Variants in TM9SF2 observed in about 807,000 individuals in gnomAD.
TM9SF2 encodes the protein 76 kDa membrane protein.
A neutral mutation model predicts 84.9 loss-of-function variants in TM9SF2; 13 were observed. The observed-to-expected ratio is 0.15, with a 90% confidence interval of 0.10 to 0.24. TM9SF2 has a LOEUF of 0.24. TM9SF2 is among the 10% of genes least tolerant of loss of function. The pLI is 1.00. For synonymous variants in TM9SF2, 273 were observed against 285.8 expected, an observed-to-expected ratio of 0.96 and a Z score of 0.45; for missense variants, 562 against 818.5, an observed-to-expected ratio of 0.69 and a Z score of 3.82.
chr13:99,502,284 G>A (rs2046069809), intron 1 of TM9SF2, among the ~76,000 whole-genome samples: 1 of 152,166 alleles, frequency 6.6e-6, no homozygotes, highest in Non-Finnish European at 1.5e-5. Flanking sequence ...CTTCTAGTTG[G>A]TTAGGAGAGC....
chr13:99,519,600 G>A (rs2046150355), intron 2 of TM9SF2: 1 of 158,448 alleles, frequency 6.3e-6, no homozygotes, highest in Non-Finnish European at 1.4e-5. Flanking sequence ...GGATGTGTTG[G>A]CAAGTGTACT....
intron 1 of TM9SF2, among the ~76,000 whole-genome samples, chr13:99,505,272 C>G (rs938328782): frequency 6.6e-6 from 1 of 151,876 alleles, no homozygotes; most frequent in Admixed American, 6.6e-5. Context: ...CCTGCCTCAG[C>G]CCCCTGAGTA....
intron 4 of TM9SF2, among the ~76,000 whole-genome samples, chr13:99,535,498 G>T (rs921773577): frequency 1.3e-5 from 2 of 152,080 alleles, no homozygotes; most frequent in African/African-American, 4.8e-5. Context: ...ATAACAATGC[G>T]TTTATGCTTC....
chr13:99,509,510 T>A (rs1257703988), intron 1 of TM9SF2, among the ~76,000 whole-genome samples: 2 of 152,228 alleles, frequency 1.3e-5, no homozygotes, highest in African/African-American at 4.8e-5. Context: ...GCCTGCAGGC[T>A]TAACACCACA....
At chr13:99,528,182 T>A (rs980455880) in intron 3 of TM9SF2, among the ~76,000 whole-genome samples, 1 of 152,144 alleles carries the variant, frequency 6.6e-6, no homozygotes, top group African/African-American at 2.4e-5. Context: ...CAAACATGAT[T>A]TAAAATATTA....
intron 13 of TM9SF2, among the ~76,000 whole-genome samples, chr13:99,554,090 T>G (rs1343772642): frequency 3.9e-5 from 6 of 152,242 alleles, no homozygotes; most frequent in Non-Finnish European, 8.8e-5. Context: ...GGAGACAGTA[T>G]TAACTTGTTC....
intron 1 of TM9SF2, among the ~76,000 whole-genome samples, chr13:99,506,957 A>G (rs1396547514): frequency 1.3e-5 from 2 of 152,230 alleles, no homozygotes; most frequent in East Asian, 3.8e-4. Context: ...AAAATTAACT[A>G]TCTATGAAAG....
chr13:99,541,778 AC>A, intron 9 of TM9SF2, 111 bp downstream of exon 9: 1 of 582,248 alleles, frequency 1.7e-6, no homozygotes, highest in Non-Finnish European at 2.8e-6. Context: ...TCTTCAAAAA[AC>A]AAAAACAAAA....
chr13:99,542,915 G>C (rs570718243), intron 9 of TM9SF2, among the ~76,000 whole-genome samples: 4 of 152,236 alleles, frequency 2.6e-5, no homozygotes, highest in East Asian at 1.9e-4. Flanking sequence ...ACAGAAGTCA[G>C]ATCATTTCAC....
At chr13:99,540,905 G>T in intron 8 of TM9SF2, 112 bp downstream of exon 8, 2 of 956,192 alleles carry the variant, frequency 2.1e-6, no homozygotes, top group Non-Finnish European at 3.1e-6. Flanking sequence ...TCTGGCCTTG[G>T]GTTCAAATCC....
chr13:99,515,525 G>A lies in TM9SF2; in HGVS notation c.172-2089G>A, dbSNP rs574293571. Among the ~76,000 whole-genome samples the A allele has an allele frequency of 4.6e-5, 7 of 152,198 alleles. No homozygotes were observed. In the South Asian group the frequency reaches 6.2e-4, roughly 14 times the overall value. On this transcript the variant is annotated intron_variant, in intron 1 of 16. Transcript: ENST00000376387. ...AGGGGCCACATATGATGCTGTTGTCGGTATTACATGCAAAGGCTAATGCCC... is the reference window on the plus strand; with the variant it reads ...AGGGGCCACATATGATGCTGTTGTCAGTATTACATGCAAAGGCTAATGCCC...
At chr13:99,552,449 A>G (rs962024290) in intron 13 of TM9SF2, 123 bp downstream of exon 13, 2 of 1,003,886 alleles carry the variant, frequency 2.0e-6, no homozygotes, top group South Asian at 1.9e-5. Context: ...TCTGGATTTC[A>G]TAGAATATTT....
intron 13 of TM9SF2, among the ~76,000 whole-genome samples, chr13:99,553,237 T>C (rs140347883): frequency 8.9e-4 from 135 of 152,362 alleles, no homozygotes; most frequent in African/African-American, 3.2e-3. Flanking sequence ...AAAGAAAGAC[T>C]GTGTGGTTAG....
chr13:99,518,894 A>G (rs1190875840), intron 2 of TM9SF2, among the ~76,000 whole-genome samples: 1 of 151,548 alleles, frequency 6.6e-6, no homozygotes, highest in African/African-American at 2.4e-5. Context: ...GATTACAGGC[A>G]TGAGCCATTG....
chr13:99,502,952 A>G (rs2046072952), intron 1 of TM9SF2, among the ~76,000 whole-genome samples: 1 of 152,214 alleles, frequency 6.6e-6, no homozygotes, highest in East Asian at 1.9e-4. Flanking sequence ...GCTATCTTGA[A>G]TGACATGTTT....
chr13:99,540,799 A>T lies in TM9SF2; in HGVS notation c.908+6A>T, dbSNP rs2046255868. Reference sequence around the variant, plus strand: ...ACCCACATTCAGTGGTTTAGGTAAGAGTACAGAGTTAGCCTGCTTTTGCTT... The same window carrying T: ...ACCCACATTCAGTGGTTTAGGTAAGTGTACAGAGTTAGCCTGCTTTTGCTT... On this transcript the variant is annotated splice_donor_region_variant and intron_variant, in intron 8 of 16. Transcript: ENST00000376387. 6.2e-7 allele frequency: 1 copy of T among 1,612,746 alleles called. No individual in the cohort carries two copies. Among genetic ancestry groups the T allele is most frequent in the African/African-American group, 1.3e-5 (1 of 75,046 alleles).
At chr13:99,510,351 A>G (rs2139071359) in intron 1 of TM9SF2, among the ~76,000 whole-genome samples, 1 of 152,310 alleles carries the variant, frequency 6.6e-6, no homozygotes, top group Admixed American at 6.5e-5. Context: ...GTATCTTTAT[A>G]ACAACACCCC....
chr13:99,508,704 G>C (rs75089793), intron 1 of TM9SF2, among the ~76,000 whole-genome samples: 334 of 152,180 alleles, frequency 2.2e-3, no homozygotes, highest in Non-Finnish European at 2.8e-3. Flanking sequence ...ATGTCACATG[G>C]TAAAAGCAGG....
intron 1 of TM9SF2, among the ~76,000 whole-genome samples, chr13:99,503,126 A>C (rs1381143440): frequency 6.6e-6 from 1 of 152,224 alleles, no homozygotes; most frequent in Non-Finnish European, 1.5e-5. Context: ...TGTGCTTCCA[A>C]GTGGAAGATC....
Sources: gnomAD v4.1 joint callset for allele counts (sites outside exome capture counted in the v4.1 genomes callset) on GRCh38, gnomAD v4.1.1 for gene constraint, MANE v1.5 for transcripts, NCBI Gene and HGNC (gene_info 2026-07-23, HGNC 2026-07-21) for gene names.